Variants in NHERF1 observed in about 807,000 individuals in gnomAD.
The protein encoded by NHERF1 is NHERF family PDZ scaffold protein 1.
chr17:74,763,716 G>C, the NHERF1 span, among the ~76,000 whole-genome samples: 1 of 152,206 alleles, frequency 6.6e-6, no homozygotes, highest in Non-Finnish European at 1.5e-5. Flanking sequence ...GTGGCAGTGG[G>C]TTTCTGAGGA....
chr17:74,768,042 T>C, the NHERF1 span: 1 of 840,236 alleles, frequency 1.2e-6, no homozygotes, highest in Admixed American at 1.7e-5. Context: ...GCATCAGTGC[T>C]ACCTCTTCTC....
At chr17:74,752,579 G>A in the NHERF1 span, among the ~76,000 whole-genome samples, 4 of 151,638 alleles carry the variant, frequency 2.6e-5, no homozygotes, top group Non-Finnish European at 5.9e-5. Flanking sequence ...CTGCAGCCTC[G>A]ACCTCCAGGG....
At chr17:74,768,587 G>A in the NHERF1 span, 28 of 1,614,004 alleles carry the variant, frequency 1.7e-5, no homozygotes, top group Non-Finnish European at 2.0e-5. Flanking sequence ...GGGCCCACCA[G>A]AAACGCAGCA....
chr17:74,754,521 G>A, the NHERF1 span, among the ~76,000 whole-genome samples: 2 of 150,682 alleles, frequency 1.3e-5, no homozygotes, highest in African/African-American at 4.9e-5. Flanking sequence ...TCCTGCCTCA[G>A]CCTTCCATGT....
At chr17:74,769,018 G>A in the NHERF1 span, 15 of 286,638 alleles carry the variant, frequency 5.2e-5, no homozygotes, top group African/African-American at 3.1e-4. Flanking sequence ...TGGGTCCAGG[G>A]CTGATCAAAG....
chr17:74,768,044 CCTCTT>C, the NHERF1 span: 1 of 846,668 alleles, frequency 1.2e-6, no homozygotes, highest in South Asian at 1.3e-5. Context: ...ATCAGTGCTA[CCTCTT>C]CTCAGTCTGA....
the NHERF1 span, among the ~76,000 whole-genome samples, chr17:74,751,663 C>T: frequency 6.6e-6 from 1 of 152,206 alleles, no homozygotes; most frequent in Non-Finnish European, 1.5e-5. This position sits in a 1 kb window ranked among gnomAD's most constrained non-coding sequence, Gnocchi z 4.3. Context: ...GATGGCCTTC[C>T]CCGCCTGCCC....
chr17:74,761,972 G>A, the NHERF1 span: 243 of 1,609,388 alleles, frequency 1.5e-4, no homozygotes, highest in Non-Finnish European at 2.0e-4. This position sits in a 1 kb window ranked among gnomAD's most constrained non-coding sequence, Gnocchi z 4.3. Context: ...AGAACCTGGG[G>A]CACTGTGGAA....
At chr17:74,753,995 C>A in the NHERF1 span, among the ~76,000 whole-genome samples, 1 of 152,152 alleles carries the variant, frequency 6.6e-6, no homozygotes, top group Non-Finnish European at 1.5e-5. Flanking sequence ...AAAAACCCAT[C>A]TCTACTAAAA....
chr17:74,763,160 T>C, the NHERF1 span: 1 of 539,530 alleles, frequency 1.9e-6, no homozygotes, highest in Non-Finnish European at 3.3e-6. Flanking sequence ...CCTTCCCATG[T>C]ATCCTGCCTC....
chr17:74,762,236 G>C, the NHERF1 span: 1 of 1,585,790 alleles, frequency 6.3e-7, no homozygotes, highest in Non-Finnish European at 8.6e-7. This position sits in a 1 kb window ranked among gnomAD's most constrained non-coding sequence, Gnocchi z 4.2. Context: ...GCAGCACCTG[G>C]GGCAGCCATC....
the NHERF1 span, chr17:74,767,955 GC>G: frequency 1.4e-6 from 1 of 694,470 alleles, no homozygotes. Context: ...GAACCAGCCT[GC>G]CCTCTGATCC....
chr17:74,766,269 T>C, the NHERF1 span, among the ~76,000 whole-genome samples: 1 of 152,116 alleles, frequency 6.6e-6, no homozygotes, highest in African/African-American at 2.4e-5. Context: ...TGATCTCGGC[T>C]CACTGCAACC....
the NHERF1 span, among the ~76,000 whole-genome samples, chr17:74,754,399 CTTT>C: frequency 2.7e-4 from 16 of 59,706 alleles, no homozygotes; most frequent in South Asian, 1.5e-3. Context: ...TTCTTTCTTT[CTTT>C]TTTTTTTTTT....
chr17:74,764,485 T>A, the NHERF1 span, among the ~76,000 whole-genome samples: 3 of 152,074 alleles, frequency 2.0e-5, no homozygotes, highest in Non-Finnish European at 4.4e-5. This position sits in a 1 kb window ranked among gnomAD's most constrained non-coding sequence, Gnocchi z 4.9. Flanking sequence ...GGAAACCAGG[T>A]AACTCAGATA....
At chr17:74,759,381 A>G in the NHERF1 span, among the ~76,000 whole-genome samples, 3 of 152,208 alleles carry the variant, frequency 2.0e-5, no homozygotes, top group African/African-American at 7.2e-5. Context: ...CTTTGGCACC[A>G]TATGTCACTA....
chr17:74,768,360 C>T, the NHERF1 span: 6 of 1,430,096 alleles, frequency 4.2e-6, no homozygotes, highest in African/African-American at 1.4e-5. Flanking sequence ...TTCTTGTGAC[C>T]TGGCTTCCCT....
At chr17:74,768,745 T>C in the NHERF1 span, 6 of 1,164,024 alleles carry the variant, frequency 5.2e-6, no homozygotes, top group African/African-American at 3.0e-5. Context: ...CCTGAATCAA[T>C]GTACAAATCA....
the NHERF1 span, chr17:74,761,992 A>C: frequency 6.2e-7 from 1 of 1,612,910 alleles, no homozygotes; most frequent in Non-Finnish European, 8.5e-7. The surrounding 1 kb of genome is among the most constrained non-coding windows in gnomAD (Gnocchi z 4.3). Flanking sequence ...ATAGCCATGG[A>C]CCCTCCCCTG....
Sources: allele counts gnomAD v4.1 joint callset (sites outside exome capture counted in the v4.1 genomes callset), GRCh38; gene constraint gnomAD v4.1.1; non-coding constraint Gnocchi (gnomAD v3.1); transcripts MANE v1.5; gene names NCBI Gene and HGNC (gene_info 2026-07-23, HGNC 2026-07-21).